The following NEO1 variants were observed in gnomAD, a reference collection of about 807,000 sequenced individuals.
NEO1 encodes neogenin 1.
NEO1 carries 63 observed loss-of-function variants against 159.7 expected under a neutral mutation model. The observed-to-expected ratio is 0.39, with a 90% confidence interval of 0.32 to 0.49. NEO1 has a LOEUF of 0.49. Among genes scored for constraint, NEO1 ranks in the 20% least tolerant of loss-of-function variants. The pLI is 0.85. For synonymous variants in NEO1, 633 were observed against 662.0 expected, an observed-to-expected ratio of 0.96 and a Z score of 0.67; for missense variants, 1,615 against 1,831.0, an observed-to-expected ratio of 0.88 and a Z score of 2.15.
chr15:73,202,392 G>A (rs1295960052), intron 7 of NEO1, among the ~76,000 whole-genome samples: 2 of 152,146 alleles, frequency 1.3e-5, no homozygotes, highest in African/African-American at 4.8e-5. Flanking sequence ...GAATTTTGAA[G>A]TCCTTGTTTT....
At chr15:73,223,248 G>A (rs563030671) in intron 7 of NEO1, among the ~76,000 whole-genome samples, 31 of 152,286 alleles carry the variant, frequency 2.0e-4, no homozygotes, top group African/African-American at 7.2e-4. Flanking sequence ...AATAGAATGT[G>A]TATTCTGTGG....
At chr15:73,155,902 T>C (rs558986997) in intron 5 of NEO1, among the ~76,000 whole-genome samples, 3 of 152,384 alleles carry the variant, frequency 2.0e-5, no homozygotes, top group African/African-American at 4.8e-5. Context: ...TGCAATCTCA[T>C]TGAGCTTCTT....
intron 7 of NEO1, among the ~76,000 whole-genome samples, chr15:73,227,649 G>A (rs2038666512): frequency 6.6e-6 from 1 of 152,206 alleles, no homozygotes; most frequent in Non-Finnish European, 1.5e-5. Flanking sequence ...TGAGCAGCAG[G>A]TCAGAGCGGA....
At chr15:73,273,394 GA>G (rs2041263826) in intron 19 of NEO1, among the ~76,000 whole-genome samples, 3 of 152,142 alleles carry the variant, frequency 2.0e-5, no homozygotes, top group African/African-American at 7.2e-5. Context: ...TTTAGGTTTT[GA>G]CTTTGCCTCT....
rs2042464356 is a variant in NEO1 at position 73,298,411 on chromosome 15, C to G, written c.3965C>G (p.Thr1322Ser). ...MPASSSQTCC[T>S]DHQDPEGATS... is the part of the protein sequence containing the mutation. ...GCCTCTTCGTCTCAAACATGCTGCA[C>G]TGATCACCAGGACCCTGAAGGTGCT... The change falls in exon 27 of 29, where the codon ACT (threonine) becomes AGT (serine). Residue 1322 changes from threonine (T) to serine (S), a missense_variant. Physicochemically the swap from Thr to Ser is moderately conservative, Grantham distance 58 (BLOSUM62 1). This residue lies in a region of NEO1 where 471 missense variants were observed against 498.9 expected (regional missense o/e 0.94). Transcript: ENST00000261908. 8 of 1,614,234 alleles carry G rather than the reference C, an allele frequency of 5.0e-6. No homozygotes were observed. The highest frequency in any genetic ancestry group is 6.8e-6 in the Non-Finnish European group (8 of 1,180,048).
At chr15:73,104,656 TCA>T (rs1306435189) in intron 1 of NEO1, among the ~76,000 whole-genome samples, 9 of 152,174 alleles carry the variant, frequency 5.9e-5, no homozygotes, top group Non-Finnish European at 1.3e-4. Context: ...TAGTCTATTC[TCA>T]CACTGCTATA....
chr15:73,280,757 C>A (rs2041656478), intron 22 of NEO1, among the ~76,000 whole-genome samples: 1 of 152,048 alleles, frequency 6.6e-6, no homozygotes, highest in Non-Finnish European at 1.5e-5. Flanking sequence ...AATGATTGAA[C>A]CAAATGTAGA....
chr15:73,139,371 A>C (rs185552962), intron 5 of NEO1, among the ~76,000 whole-genome samples: 60 of 152,336 alleles, frequency 3.9e-4, no homozygotes, highest in Non-Finnish European at 6.3e-4. Context: ...AATGGAAACA[A>C]TCAACAGTGA....
In NEO1 at chr15:73,302,815, C is replaced by A; in HGVS notation, c.*119C>A. The A allele has an allele frequency of 1.1e-6, 1 of 895,916 alleles. No individual in the cohort carries two copies. Among genetic ancestry groups the A allele is most frequent in the Non-Finnish European group, 1.8e-6 (1 of 570,744 alleles). The allele number at this position is 895,916 out of a possible 1,614,324, so 55.5% of individuals were successfully genotyped here. ...CACTTGAGAACACAGAATGAGCCAG[C>A]AGACTGGCCAGCGCCTCTGTGTAGG... On this transcript the variant is annotated 3_prime_UTR_variant, in exon 29 of 29. Coordinates refer to ENST00000261908, the MANE Select transcript of NEO1 (RefSeq NM_002499.4).
At chr15:73,186,463 T>C in intron 7 of NEO1, among the ~76,000 whole-genome samples, 1 of 152,104 alleles carries the variant, frequency 6.6e-6, no homozygotes, top group Non-Finnish European at 1.5e-5. Flanking sequence ...CTACAAGAAA[T>C]GTGAAAGGAG....
chr15:73,197,216 G>A (rs531559312), intron 7 of NEO1, among the ~76,000 whole-genome samples: 9 of 152,126 alleles, frequency 5.9e-5, no homozygotes, highest in East Asian at 5.8e-4. Context: ...AAAATTAGCC[G>A]GGTGTGGTAG....
intron 16 of NEO1, among the ~76,000 whole-genome samples, chr15:73,268,548 C>T (rs531902031): frequency 6.6e-6 from 1 of 152,318 alleles, no homozygotes; most frequent in African/African-American, 2.4e-5. Flanking sequence ...TATTTTTAGT[C>T]CTCATTGCAC....
At chr15:73,279,191 G>A (rs1044505185) in intron 22 of NEO1, among the ~76,000 whole-genome samples, 2 of 152,050 alleles carry the variant, frequency 1.3e-5, no homozygotes, top group South Asian at 4.1e-4. Flanking sequence ...CCAGGTTCTA[G>A]GACTCTGTTT....
chr15:73,129,759 ATAT>A (rs1282813602), intron 4 of NEO1, among the ~76,000 whole-genome samples: 1 of 152,262 alleles, frequency 6.6e-6, no homozygotes, highest in East Asian at 1.9e-4. Context: ...AAAATGCTTG[ATAT>A]TATTACAATT....
Position 73,116,862 on chromosome 15 carries a change from G to T in NEO1, c.448+5G>T, listed in dbSNP as rs779081755. The T allele has an allele frequency of 8.9e-6, 13 of 1,464,120 alleles. No homozygotes were observed. In the East Asian group the frequency reaches 2.9e-4, roughly 32 times the overall value. The allele number at this position is 1,464,120 out of a possible 1,614,324, so 90.7% of individuals were successfully genotyped here. On this transcript the variant is annotated splice_donor_5th_base_variant and intron_variant, in intron 2 of 28. Transcript: ENST00000261908. ...CAGCGAAGCTCATAGTAGCAGGTAA[G>T]TTTTAAGTGATTTTTTTTTTTGCAT...
At chr15:73,154,251 G>A (rs982966106) in intron 5 of NEO1, among the ~76,000 whole-genome samples, 4 of 151,740 alleles carry the variant, frequency 2.6e-5, no homozygotes, top group African/African-American at 7.3e-5. Context: ...TATATTTATC[G>A]GGTACATGAG....
rs991587014 is a variant in NEO1, at chr15:73,270,227, G to A, written c.2712G>A (p.Lys904=). The change falls in exon 17 of 29, where the codon AAG becomes AAA. Residue 904 remains lysine, a synonymous_variant. Transcript: ENST00000261908. ...AAACCAACATCCCAGCAAACACCAA[G>A]TACAAGGTACTGACACATTTGCCCT... ...RWKTNIPANT[K]YKNANATTLS... 4 of 1,614,110 alleles carry A rather than the reference G, an allele frequency of 2.5e-6. No individual in the cohort carries two copies. The highest frequency in any genetic ancestry group is 3.4e-6 in the Non-Finnish European group (4 of 1,180,014).
chr15:73,169,890 A>C (rs943509070), intron 5 of NEO1, among the ~76,000 whole-genome samples: 54 of 152,004 alleles, frequency 3.6e-4, no homozygotes, highest in African/African-American at 1.3e-3. Flanking sequence ...ATGTGCTTAT[A>C]ATTTTCATAA....
In NEO1 at chr15:73,060,375, T is replaced by C. The variant is rs181736965; in HGVS notation, c.130+7570T>C. ...GCCTCCCAGATTCAAGCCATTCTGC[T>C]GCCTCAGCCTCCCAAGTAGCTGGGA... is the stretch of plus-strand genomic sequence containing the variant. On this transcript the variant is annotated intron_variant, in intron 1 of 28. Transcript: ENST00000261908. Among the ~76,000 whole-genome samples, 531 of 152,226 alleles carry C rather than the reference T, an allele frequency of 3.5e-3. 4 individuals carry two copies. The highest frequency in any genetic ancestry group is 0.01 in the Middle Eastern group (3 of 294).
Sources: allele counts gnomAD v4.1 joint callset (sites outside exome capture counted in the v4.1 genomes callset), GRCh38; gene constraint gnomAD v4.1.1; regional missense constraint gnomAD v4.1.1; transcripts MANE v1.5; gene names NCBI Gene and HGNC (gene_info 2026-07-23, HGNC 2026-07-21).